The following CCDC85A variants were observed in gnomAD, a reference collection of about 807,000 sequenced individuals.
CCDC85A encodes the protein coiled-coil domain containing 85A, also known as coiled-coil domain-containing protein 85A.
In CCDC85A, 38 loss-of-function variants were observed where a neutral mutation model predicts 50.2. The observed-to-expected ratio is 0.76, with a 90% CI of 0.58 to 0.99. The LOEUF (loss-of-function observed/expected upper bound fraction) is 0.99. CCDC85A is among the 50% of genes least tolerant of loss of function. The probability of loss-of-function intolerance (pLI) is 0.00; values close to 1 mark genes in which losing one functional copy is unlikely to be tolerated. For missense variants in CCDC85A, 820 were observed against 742.0 expected, an observed-to-expected ratio of 1.11 and a Z score of -1.22; for synonymous variants, 366 against 301.4, an observed-to-expected ratio of 1.21 and a Z score of -2.22.
chr2:56,297,151 T>C (rs973644116), intron 2 of CCDC85A, among the ~76,000 whole-genome samples: 1 of 152,158 alleles, frequency 6.6e-6, no homozygotes, highest in Non-Finnish European at 1.5e-5. Context: ...TGGGGGCATG[T>C]GTCTGTAAGT....
At chr2:56,285,984 A>G (rs1296379592) in intron 2 of CCDC85A, among the ~76,000 whole-genome samples, 2 of 152,020 alleles carry the variant, frequency 1.3e-5, no homozygotes, top group Non-Finnish European at 2.9e-5. Context: ...TTTATTGGGT[A>G]TAGAATTTTG....
At chr2:56,343,037 G>GT in intron 3 of CCDC85A, 82 bp downstream of exon 3, 1 of 960,862 alleles carries the variant, frequency 1.0e-6, no homozygotes, top group Admixed American at 2.2e-5. Flanking sequence ...GCTCAATGAC[G>GT]TTTTGTCTTT....
intron 2 of CCDC85A, among the ~76,000 whole-genome samples, chr2:56,260,122 A>G (rs1379623360): frequency 2.0e-5 from 3 of 152,234 alleles, no homozygotes; most frequent in Non-Finnish European, 4.4e-5. Context: ...AAGAGCAGGG[A>G]AGACTGATGG....
At chr2:56,243,638 G>A (rs1357307967) in intron 2 of CCDC85A, among the ~76,000 whole-genome samples, 1 of 152,136 alleles carries the variant, frequency 6.6e-6, no homozygotes, top group Non-Finnish European at 1.5e-5. Context: ...TTGGCCCCTG[G>A]TTCCTTATTT....
intron 3 of CCDC85A, among the ~76,000 whole-genome samples, chr2:56,358,791 C>CTT (rs34321150): frequency 0.028 from 4,096 of 148,116 alleles, 90 homozygotes; most frequent in African/African-American, 0.067. Flanking sequence ...TTTTTTCTTT[C>CTT]TTTTTTTTTT....
intron 2 of CCDC85A, among the ~76,000 whole-genome samples, chr2:56,227,689 A>G (rs1668600702): frequency 6.8e-6 from 1 of 148,110 alleles, no homozygotes; most frequent in African/African-American, 2.5e-5. Flanking sequence ...AATTATTCAT[A>G]GCCATTGTTT....
chr2:56,265,192 G>A (rs1357491272), intron 2 of CCDC85A, among the ~76,000 whole-genome samples: 2 of 152,172 alleles, frequency 1.3e-5, no homozygotes, highest in Non-Finnish European at 2.9e-5. Flanking sequence ...GAAAGGGGAA[G>A]GACAAGCCAG....
intron 3 of CCDC85A, among the ~76,000 whole-genome samples, chr2:56,354,451 C>G (rs1172342027): frequency 6.6e-6 from 1 of 152,072 alleles, no homozygotes; most frequent in Non-Finnish European, 1.5e-5. Flanking sequence ...AACGTTTTTT[C>G]AAAGGATACC....
At position 56,368,530 on chromosome 2, in the gene CCDC85A, C is replaced by A. The variant is rs571443373; in HGVS notation, c.1318-3814C>A. Among the ~76,000 whole-genome samples, 36 of 152,234 alleles carry A rather than the reference C, an allele frequency of 2.4e-4. No individual in the cohort carries two copies. The South Asian group carries it at 7.3e-3, about 31-fold the overall frequency. Reference sequence around the variant, plus strand: ...TATCCTCCCCCTTAAACTAGGCATACACTCTGATGAGGTATTAAATATTAT... The same window carrying A: ...TATCCTCCCCCTTAAACTAGGCATAAACTCTGATGAGGTATTAAATATTAT... On this transcript the variant is annotated intron_variant, in intron 3 of 5. Transcript: ENST00000407595.
intron 2 of CCDC85A, among the ~76,000 whole-genome samples, chr2:56,276,953 GGGTC>G (rs1254529582): frequency 6.6e-6 from 1 of 152,150 alleles, no homozygotes; most frequent in African/African-American, 2.4e-5. Context: ...AAGGACACTA[GGGTC>G]TTAGAATTAC....
intron 2 of CCDC85A, among the ~76,000 whole-genome samples, chr2:56,214,810 T>G (rs1677326256): frequency 6.6e-6 from 1 of 151,960 alleles, no homozygotes; most frequent in Non-Finnish European, 1.5e-5. Flanking sequence ...TTGGGTTGTG[T>G]GATTTCTCCA....
chr2:56,351,003 TC>T (rs1297385520), intron 3 of CCDC85A, among the ~76,000 whole-genome samples: 14 of 53,118 alleles, frequency 2.6e-4, no homozygotes, highest in Non-Finnish European at 4.5e-4. Context: ...CCCTCCCCCC[TC>T]CCCCCACCCC....
At chr2:56,212,207 C>G (rs1270304738) in intron 2 of CCDC85A, among the ~76,000 whole-genome samples, 1 of 152,042 alleles carries the variant, frequency 6.6e-6, no homozygotes, top group Non-Finnish European at 1.5e-5. Context: ...GTAAAGTCCT[C>G]ATCTTTGAGT....
At chr2:56,363,652 ATTTC>A in intron 3 of CCDC85A, among the ~76,000 whole-genome samples, 1 of 152,272 alleles carries the variant, frequency 6.6e-6, no homozygotes, top group South Asian at 2.1e-4. Context: ...ACAGTGGAAT[ATTTC>A]TTAGTCAATT....
chr2:56,339,247 T>C (rs1462788865), intron 2 of CCDC85A, among the ~76,000 whole-genome samples: 1 of 152,238 alleles, frequency 6.6e-6, no homozygotes, highest in East Asian at 1.9e-4. Context: ...CCATTTTTTT[T>C]CATTATTTCA....
At chr2:56,369,716 G>T (rs149668229) in intron 3 of CCDC85A, among the ~76,000 whole-genome samples, 2 of 152,020 alleles carry the variant, frequency 1.3e-5, no homozygotes, top group African/African-American at 4.8e-5. Context: ...TCTGAAGTTC[G>T]CTGAGATGCC....
intron 2 of CCDC85A, among the ~76,000 whole-genome samples, chr2:56,209,502 A>G (rs1677099898): frequency 6.6e-6 from 1 of 151,510 alleles, no homozygotes; most frequent in African/African-American, 2.4e-5. Flanking sequence ...TTGACAGAGA[A>G]TGGCCTTTTT....
Position 56,334,366 on chromosome 2 carries a change from C to T in CCDC85A, c.1241-8513C>T, listed in dbSNP as rs115571785. Among the ~76,000 whole-genome samples the T allele has an allele frequency of 9.0e-3, 1,371 of 152,214 alleles. 28 individuals are homozygous for T. Among genetic ancestry groups the T allele is most frequent in the African/African-American group, 0.03 (1,249 of 41,524 alleles). ...TAAATTACCAAATATTCATTAAACT[C>T]CTGCAGGGAACACAACTAGTCAGTG... On this transcript the variant is annotated intron_variant, in intron 2 of 5. Coordinates refer to ENST00000407595, the MANE Select transcript of CCDC85A (RefSeq NM_001080433.2).
At chr2:56,260,692 A>T (rs1443131501) in intron 2 of CCDC85A, among the ~76,000 whole-genome samples, 1 of 152,184 alleles carries the variant, frequency 6.6e-6, no homozygotes, top group East Asian at 1.9e-4. Context: ...AGTTGGCATA[A>T]ACCTCACTGG....
Sources: gnomAD v4.1 joint callset for allele counts (sites outside exome capture counted in the v4.1 genomes callset) on GRCh38, gnomAD v4.1.1 for gene constraint, MANE v1.5 for transcripts, NCBI Gene and HGNC (gene_info 2026-07-23, HGNC 2026-07-21) for gene names.